Variants in MYO1B observed in about 807,000 individuals in gnomAD.
The protein encoded by MYO1B is myosin IB.
A neutral mutation model predicts 159.7 loss-of-function variants in MYO1B; 72 were observed. The ratio of observed to expected loss-of-function variants is 0.45; its 90% CI spans 0.37 to 0.55. MYO1B has a LOEUF of 0.55. Ranked by LOEUF, MYO1B falls within the 20% of genes least tolerant of loss-of-function variation. MYO1B has a pLI of 0.00. For missense variants in MYO1B, 1,062 were observed against 1,364.8 expected (o/e 0.78, Z 3.50); for synonymous variants, 468 against 473.8 (o/e 0.99, Z 0.16).
intron 17 of MYO1B, among the ~76,000 whole-genome samples, chr2:191,388,753 AG>A (rs1416322698): frequency 1.3e-5 from 2 of 152,128 alleles, no homozygotes; most frequent in Non-Finnish European, 2.9e-5. Flanking sequence ...ATTTATGTGA[AG>A]TGATATGCAC....
intron 3 of MYO1B, among the ~76,000 whole-genome samples, chr2:191,319,036 A>G (rs965878793): frequency 2.6e-5 from 4 of 152,108 alleles, no homozygotes; most frequent in Non-Finnish European, 5.9e-5. Context: ...ATTTTAGGCT[A>G]ACTCCAGTAA....
intron 1 of MYO1B, among the ~76,000 whole-genome samples, chr2:191,255,209 A>G (rs760844902): frequency 2.0e-5 from 3 of 152,282 alleles, no homozygotes; most frequent in East Asian, 3.9e-4. Context: ...GATTACAGGT[A>G]TGAGGCACTA....
In MYO1B at chr2:191,362,293, C is replaced by G. The variant is rs149444637; in HGVS notation, c.687C>G (p.Phe229Leu). Residue 229 changes from phenylalanine to leucine, a missense_variant, in exon 9 of 31, where the codon TTC becomes TTG. Around this residue, in one of 5 missense-constraint regions of MYO1B, gnomAD observed 415 missense variants for 544.0 expected, o/e 0.76. Transcript: ENST00000392318. Reference sequence around the variant, plus strand: ...ATAAACTTAAGCTTGAGAGGGATTTCAGCAGGTATAACTACCTGAGTCTGG... The same window carrying G: ...ATAAACTTAAGCTTGAGAGGGATTTGAGCAGGTATAACTACCTGAGTCTGG... ...LLNKLKLERD[F>L]SRYNYLSLDS... 2 of 1,613,728 alleles carry G rather than the reference C, an allele frequency of 1.2e-6. No homozygotes were observed. The highest frequency in any genetic ancestry group is 1.7e-6 in the Non-Finnish European group (2 of 1,179,718).
rs569168586 is a variant in MYO1B at position 191,348,509 on chromosome 2, T to C, written c.499-1653T>C. 2.0e-5 allele frequency among the ~76,000 whole-genome samples: 3 copies of C among 152,324 alleles called. No individual in the cohort carries two copies. The South Asian group carries it at 6.2e-4, about 32-fold the overall frequency. On this transcript the variant is annotated intron_variant, in intron 6 of 30. Coordinates refer to ENST00000392318, the MANE Select transcript of MYO1B (RefSeq NM_001130158.3). Reference sequence around the variant, plus strand: ...GAGTAACCATTCTTTCCCTCCTTTGTAGCTGCTTCACCTCCTTGGTCCCCC... The same window carrying C: ...GAGTAACCATTCTTTCCCTCCTTTGCAGCTGCTTCACCTCCTTGGTCCCCC...
In MYO1B at chr2:191,390,327, T is replaced by A. The variant is rs761581877; in HGVS notation, c.1817T>A (p.Ile606Asn). ...CCGAATGATAAAAAAGCAGCACACA[T>A]CTTCAACGAGGCTCTAGTGTGTCAT... ...IKPNDKKAAH[I>N]FNEALVCHQI... Residue 606 changes from isoleucine (I) to asparagine (N), a missense_variant, in exon 18 of 31, where the codon ATC becomes AAC. This residue lies in a region of MYO1B where 609 missense variants were observed against 744.4 expected (regional missense o/e 0.82). Coordinates refer to ENST00000392318, the MANE Select transcript of MYO1B (RefSeq NM_001130158.3). The A allele has an allele frequency of 6.2e-7, 1 of 1,614,094 alleles. No homozygotes were observed. The highest frequency in any genetic ancestry group is 8.5e-7 in the Non-Finnish European group (1 of 1,179,920).
chr2:191,400,715 A>G (rs1250076190), intron 22 of MYO1B, 34 bp from the exon 23 acceptor site: 3 of 1,609,960 alleles, frequency 1.9e-6, no homozygotes, highest in Non-Finnish European at 2.5e-6. Flanking sequence ...CCTGCCTTAA[A>G]CTTTTCTGTA....
intron 1 of MYO1B, among the ~76,000 whole-genome samples, chr2:191,268,878 C>T (rs1375391836): frequency 6.6e-6 from 1 of 152,126 alleles, no homozygotes; most frequent in Non-Finnish European, 1.5e-5. Context: ...GCTGAAGGTG[C>T]TGTGGCAGGC....
At chr2:191,398,592 G>A (rs1270159259) in intron 21 of MYO1B, among the ~76,000 whole-genome samples, 3 of 151,526 alleles carry the variant, frequency 2.0e-5, no homozygotes, top group Non-Finnish European at 4.4e-5. Context: ...CCCAGACAGG[G>A]TTGCGGCCCA....
intron 11 of MYO1B, among the ~76,000 whole-genome samples, chr2:191,365,806 G>A (rs1693971657): frequency 6.6e-6 from 1 of 152,170 alleles, no homozygotes. Context: ...ATCAAGCTTG[G>A]CTATAGCTGT....
rs576724396 is a variant in MYO1B, at chr2:191,284,293, A to G, written c.135+7263A>G. On this transcript the variant is annotated intron_variant, in intron 2 of 30. Coordinates refer to ENST00000392318, the MANE Select transcript of MYO1B (RefSeq NM_001130158.3). ...TCCATAGTGCAGAAAAATTTTAATA[A>G]TCCTAATTTCTAAAGAGAGGCTATT... is the stretch of plus-strand genomic sequence containing the variant. Among the ~76,000 whole-genome samples, 3 of 152,300 alleles carry G rather than the reference A, an allele frequency of 2.0e-5. No homozygotes were observed. The South Asian group carries it at 6.2e-4, about 32-fold the overall frequency.
At chr2:191,272,139 T>C (rs13401028) in intron 1 of MYO1B, among the ~76,000 whole-genome samples, 5,998 of 152,284 alleles carry the variant, frequency 0.039, 403 homozygotes, top group African/African-American at 0.14. Context: ...TTTTGGAAGT[T>C]CTTGAGATGA....
At chr2:191,253,261 A>C (rs1686236482) in intron 1 of MYO1B, among the ~76,000 whole-genome samples, 1 of 152,112 alleles carries the variant, frequency 6.6e-6, no homozygotes, top group African/African-American at 2.4e-5. Context: ...AACTTATGTC[A>C]CCATTGTACC....
At chr2:191,276,441 G>A (rs1320553191) in intron 1 of MYO1B, among the ~76,000 whole-genome samples, 2 of 152,182 alleles carry the variant, frequency 1.3e-5, no homozygotes, top group Non-Finnish European at 2.9e-5. Context: ...TTGGTATAGT[G>A]TCTGATATGT....
At chr2:191,339,249 T>A (rs1692056235) in intron 4 of MYO1B, among the ~76,000 whole-genome samples, 1 of 152,170 alleles carries the variant, frequency 6.6e-6, no homozygotes, top group African/African-American at 2.4e-5. Flanking sequence ...CTAGAAAGTA[T>A]CCTGAAGTGA....
chr2:191,283,351 A>G (rs1448181325), intron 2 of MYO1B, among the ~76,000 whole-genome samples: 3 of 152,190 alleles, frequency 2.0e-5, no homozygotes, highest in African/African-American at 7.2e-5. Flanking sequence ...TTAAGGCCTG[A>G]CATCAGATCT....
rs761899450 is a variant in MYO1B at position 191,381,608 on chromosome 2, T to C, written c.1290+42T>C. Reference sequence around the variant, plus strand: ...ATTTTTAAAAGTGTTGGTCCTTTTTTACTCGTAATATAAATTCTAATTCAG... The same window carrying C: ...ATTTTTAAAAGTGTTGGTCCTTTTTCACTCGTAATATAAATTCTAATTCAG... On this transcript the variant is annotated intron_variant, in intron 14 of 30. Transcript: ENST00000392318. 2.9e-6 allele frequency: 4 copies of C among 1,367,658 alleles called. No individual in the cohort carries two copies. In the South Asian group the frequency reaches 3.6e-5, roughly 12 times the overall value. 84.7% of individuals were successfully genotyped at this position (1,367,658 alleles called of 1,614,324 possible). A position where few individuals can be genotyped will look rare whatever the true frequency, so the allele number is the denominator to read the frequency against.
intron 16 of MYO1B, 91 bp from the exon 17 acceptor site, chr2:191,387,133 G>A (rs926613534): frequency 2.3e-6 from 3 of 1,286,122 alleles, no homozygotes; most frequent in Non-Finnish European, 3.3e-6. Context: ...GGAAGTGGCT[G>A]CAATGTAGAT....
intron 2 of MYO1B, among the ~76,000 whole-genome samples, chr2:191,285,637 C>T (rs1054882044): frequency 6.6e-6 from 1 of 152,134 alleles, no homozygotes; most frequent in African/African-American, 2.4e-5. Flanking sequence ...GAGAGGAGTA[C>T]ATGATAGGCC....
chr2:191,332,805 G>A (rs1691576354), intron 4 of MYO1B, among the ~76,000 whole-genome samples: 1 of 152,112 alleles, frequency 6.6e-6, no homozygotes, highest in East Asian at 1.9e-4. Context: ...CCTTGAACAT[G>A]GTACAGAGTA....
Sources: gnomAD v4.1 joint callset for allele counts (sites outside exome capture counted in the v4.1 genomes callset) on GRCh38, gnomAD v4.1.1 for gene constraint, gnomAD v4.1.1 regional missense constraint, MANE v1.5 for transcripts, NCBI Gene and HGNC (gene_info 2026-07-23, HGNC 2026-07-21) for gene names.